Variants in OR9Q1 observed in about 807,000 individuals in gnomAD.
OR9Q1 encodes olfactory receptor 9Q1.
For synonymous variants in OR9Q1, 153 were observed against 148.6 expected (o/e 1.03, Z -0.22); for missense variants, 374 against 378.8 (o/e 0.99, Z 0.11).
intron 2 of OR9Q1, among the ~76,000 whole-genome samples, chr11:58,151,543 A>T (rs971932584): frequency 4.6e-5 from 7 of 152,206 alleles, no homozygotes; most frequent in African/African-American, 1.7e-4. Context: ...TTGTTTCATA[A>T]TACAAACAAC....
intron 2 of OR9Q1, among the ~76,000 whole-genome samples, chr11:58,098,025 C>T (rs983668561): frequency 2.6e-5 from 4 of 152,064 alleles, no homozygotes; most frequent in Non-Finnish European, 4.4e-5. Flanking sequence ...ATGTTGATTA[C>T]GGTAATTGTG....
At chr11:58,054,665 G>A (rs976430) in intron 1 of OR9Q1, among the ~76,000 whole-genome samples, 38,719 of 152,070 alleles carry the variant, frequency 0.25, 5,569 homozygotes, top group East Asian at 0.6. Context: ...CAGGTGTGGC[G>A]GCTCATGCCT....
chr11:58,154,974 T>C (rs1854392794), intron 2 of OR9Q1, among the ~76,000 whole-genome samples: 1 of 152,142 alleles, frequency 6.6e-6, no homozygotes, highest in Non-Finnish European at 1.5e-5. Flanking sequence ...AAAGAAACAA[T>C]GGAAAATATG....
At chr11:58,156,067 TG>T (rs1854404908) in intron 2 of OR9Q1, among the ~76,000 whole-genome samples, 1 of 151,972 alleles carries the variant, frequency 6.6e-6, no homozygotes, top group African/African-American at 2.4e-5. Context: ...CACCCACCAT[TG>T]TGCCTGGTTA....
At chr11:58,128,910 T>G (rs1854114915) in intron 2 of OR9Q1, among the ~76,000 whole-genome samples, 1 of 152,230 alleles carries the variant, frequency 6.6e-6, no homozygotes, top group South Asian at 2.1e-4. Context: ...AAAAGGTATT[T>G]ATGACATACA....
At chr11:58,062,051 T>C (rs990424278) in intron 2 of OR9Q1, among the ~76,000 whole-genome samples, 1 of 152,186 alleles carries the variant, frequency 6.6e-6, no homozygotes, top group Non-Finnish European at 1.5e-5. Flanking sequence ...TAGGTAGGAA[T>C]GGTGCAGGCT....
At chr11:58,114,425 C>A (rs1402009960) in intron 2 of OR9Q1, among the ~76,000 whole-genome samples, 1 of 152,128 alleles carries the variant, frequency 6.6e-6, no homozygotes, top group East Asian at 1.9e-4. Flanking sequence ...GTTGTGTGAG[C>A]CCAGTCTTGC....
intron 1 of OR9Q1, chr11:58,045,337 A>C (rs1853205645): frequency 6.6e-6 from 1 of 152,284 alleles, no homozygotes; most frequent in Non-Finnish European, 1.5e-5. Flanking sequence ...GGTTCAAGCG[A>C]TTCTCCTGCC....
intron 2 of OR9Q1, among the ~76,000 whole-genome samples, chr11:58,114,050 A>G (rs1169707096): frequency 6.6e-6 from 1 of 152,068 alleles, no homozygotes; most frequent in Non-Finnish European, 1.5e-5. Flanking sequence ...GCAATCACCA[A>G]ATCTTCTTCT....
intron 2 of OR9Q1, among the ~76,000 whole-genome samples, chr11:58,170,646 C>T (rs1306916435): frequency 6.6e-6 from 1 of 151,984 alleles, no homozygotes; most frequent in South Asian, 2.1e-4. Context: ...GGGGTGGTTC[C>T]CCCATACTGT....
At chr11:58,027,523 C>T (rs888397963) in intron 1 of OR9Q1, among the ~76,000 whole-genome samples, 66 of 152,166 alleles carry the variant, frequency 4.3e-4, no homozygotes, top group African/African-American at 1.5e-3. Context: ...CGGAAACTGC[C>T]TGTGGCTCAT....
intron 2 of OR9Q1, among the ~76,000 whole-genome samples, chr11:58,177,771 T>C (rs531340451): frequency 6.6e-6 from 1 of 152,376 alleles, no homozygotes; most frequent in African/African-American, 2.4e-5. Flanking sequence ...CACATTTCCC[T>C]TTGCAAGGTG....
At chr11:58,058,837 G>C (rs1853351714) in intron 2 of OR9Q1, among the ~76,000 whole-genome samples, 1 of 152,196 alleles carries the variant, frequency 6.6e-6, no homozygotes. Context: ...TCCAGTTAAA[G>C]TAACTCAAGA....
At chr11:58,137,764 C>T (rs1288398477) in intron 2 of OR9Q1, among the ~76,000 whole-genome samples, 1 of 152,056 alleles carries the variant, frequency 6.6e-6, no homozygotes, top group Non-Finnish European at 1.5e-5. Context: ...GTTTCCCAGT[C>T]TATAAATAGG....
In OR9Q1 at chr11:58,038,088, C is replaced by G. The variant is rs1853126456; in HGVS notation, c.-93+13984C>G. ...AAACGGTAAAAAGTCTGATGCATAC[C>G]CATAGAAAGGATCCTAAACATATTA... On this transcript the variant is annotated intron_variant, in intron 1 of 2. Coordinates refer to ENST00000335397, the MANE Select transcript of OR9Q1 (RefSeq NM_001005212.4). Among the ~76,000 whole-genome samples the G allele has an allele frequency of 2.0e-5, 3 of 151,430 alleles. No individual in the cohort carries two copies. The South Asian group carries it at 6.3e-4, about 32-fold the overall frequency.
intron 1 of OR9Q1, chr11:58,026,853 A>G (rs1485424124): frequency 6.6e-6 from 1 of 152,194 alleles, no homozygotes; most frequent in Non-Finnish European, 1.5e-5. Flanking sequence ...ATTAATATAC[A>G]CTAGAGAAAG....
chr11:58,118,681 A>G, intron 2 of OR9Q1: 1 of 1,614,024 alleles, frequency 6.2e-7, no homozygotes. Context: ...CATGAAGATA[A>G]GGGCTCCAAA....
chr11:58,100,570 A>G (rs559524110), intron 2 of OR9Q1, among the ~76,000 whole-genome samples: 13 of 152,168 alleles, frequency 8.5e-5, no homozygotes, highest in African/African-American at 1.7e-4. Flanking sequence ...TCCCCTTCCT[A>G]TAGATAAAAG....
At chr11:58,064,269 C>T (rs952361761) in intron 2 of OR9Q1, among the ~76,000 whole-genome samples, 1 of 152,182 alleles carries the variant, frequency 6.6e-6, no homozygotes, top group Non-Finnish European at 1.5e-5. Flanking sequence ...AGTCCATGGA[C>T]CAGCATTCAG....
Sources: allele counts gnomAD v4.1 joint callset (sites outside exome capture counted in the v4.1 genomes callset), GRCh38; gene constraint gnomAD v4.1.1; transcripts MANE v1.5; gene names NCBI Gene and HGNC (gene_info 2026-07-23, HGNC 2026-07-21).